EHBP1: variants seen among roughly 807,000 people sequenced by gnomAD.
EHBP1 encodes EH domain binding protein 1.
A neutral mutation model predicts 144.0 loss-of-function variants in EHBP1; 55 were observed. The observed-to-expected ratio is 0.38, with a 90% CI of 0.31 to 0.48. The LOEUF is 0.48. Ranked by LOEUF, EHBP1 falls within the 20% of genes least tolerant of loss-of-function variation. The probability of loss-of-function intolerance (pLI) is 0.98; values close to 1 mark genes in which losing one functional copy is unlikely to be tolerated. For missense variants in EHBP1, 1,200 were observed against 1,364.2 expected (o/e 0.88, Z 1.90); for synonymous variants, 469 against 472.7 (o/e 0.99, Z 0.10).
At chr2:62,955,310 T>C (rs1275845437) in intron 13 of EHBP1, among the ~76,000 whole-genome samples, 1 of 152,180 alleles carries the variant, frequency 6.6e-6, no homozygotes, top group Non-Finnish European at 1.5e-5. Context: ...TTTTAGACAG[T>C]AAAGATGTAT....
intron 10 of EHBP1, among the ~76,000 whole-genome samples, chr2:62,926,680 C>G (rs1052725668): frequency 1.3e-5 from 2 of 151,574 alleles, no homozygotes; most frequent in African/African-American, 2.4e-5. Context: ...AAAACAACAA[C>G]AACAAAAAAA....
chr2:62,839,578 TA>T, intron 7 of EHBP1, among the ~76,000 whole-genome samples: 1 of 150,160 alleles, frequency 6.7e-6, no homozygotes, highest in Admixed American at 6.7e-5. Context: ...GACATGATTG[TA>T]TATCTAGAAA....
intron 19 of EHBP1, among the ~76,000 whole-genome samples, chr2:63,017,534 A>G (rs2060534598): frequency 6.6e-6 from 1 of 152,228 alleles, no homozygotes; most frequent in Non-Finnish European, 1.5e-5. Context: ...CACTTGGAGT[A>G]TAACATTTGC....
intron 10 of EHBP1, among the ~76,000 whole-genome samples, chr2:62,894,978 G>T (rs969755706): frequency 2.0e-5 from 3 of 150,258 alleles, no homozygotes; most frequent in African/African-American, 7.4e-5. Flanking sequence ...AAGCAGGCAG[G>T]CAGGCAGGGC....
At chr2:62,962,003 G>A (rs2058026198) in intron 14 of EHBP1, among the ~76,000 whole-genome samples, 1 of 152,120 alleles carries the variant, frequency 6.6e-6, no homozygotes, top group Non-Finnish European at 1.5e-5. Context: ...ACTCCAGCCT[G>A]GGCAACAGAG....
At chr2:62,865,848 T>TA (rs1482406855) in intron 9 of EHBP1, among the ~76,000 whole-genome samples, 6 of 152,106 alleles carry the variant, frequency 3.9e-5, no homozygotes, top group Non-Finnish European at 7.4e-5. Flanking sequence ...ATTAAGGAGA[T>TA]AGAGTTTGGA....
intron 10 of EHBP1, among the ~76,000 whole-genome samples, chr2:62,927,637 A>G (rs1037917471): frequency 1.3e-5 from 2 of 152,194 alleles, no homozygotes; most frequent in Non-Finnish European, 1.5e-5. Context: ...CCAGAATCGG[A>G]AGTAGACATA....
intron 2 of EHBP1, among the ~76,000 whole-genome samples, chr2:62,713,598 C>G (rs1169608733): frequency 6.6e-6 from 1 of 152,128 alleles, no homozygotes; most frequent in East Asian, 1.9e-4. Flanking sequence ...GGTTAGATGA[C>G]TGCAAAAGGA....
intron 5 of EHBP1, among the ~76,000 whole-genome samples, chr2:62,781,111 A>G (rs2042394530): frequency 6.6e-6 from 1 of 152,098 alleles, no homozygotes; most frequent in Admixed American, 6.6e-5. Context: ...CCAGTATCCT[A>G]CAGTCTGGAG....
chr2:62,852,099 ACTT>A (rs918699839), intron 7 of EHBP1, among the ~76,000 whole-genome samples: 4 of 152,148 alleles, frequency 2.6e-5, no homozygotes, highest in Admixed American at 6.5e-5. Context: ...TAACTCTAAT[ACTT>A]CTTCTATATT....
intron 7 of EHBP1, among the ~76,000 whole-genome samples, chr2:62,843,460 G>A (rs1458576904): frequency 1.3e-5 from 2 of 152,142 alleles, no homozygotes; most frequent in African/African-American, 4.8e-5. Flanking sequence ...AAGAAGGGGT[G>A]GGTGGGGCAG....
chr2:62,844,310 A>C (rs2048138052), intron 7 of EHBP1, among the ~76,000 whole-genome samples: 7 of 152,204 alleles, frequency 4.6e-5, no homozygotes, highest in Admixed American at 4.6e-4. Flanking sequence ...CCCCTGCTAA[A>C]TAGATACATA....
At chr2:62,796,609 T>G (rs1157068038) in intron 5 of EHBP1, among the ~76,000 whole-genome samples, 1 of 152,174 alleles carries the variant, frequency 6.6e-6, no homozygotes, top group Non-Finnish European at 1.5e-5. Flanking sequence ...AATGTAAAAT[T>G]TTAATCATGA....
chr2:62,787,024 A>G (rs1342079933), intron 5 of EHBP1, among the ~76,000 whole-genome samples: 1 of 152,202 alleles, frequency 6.6e-6, no homozygotes, highest in Non-Finnish European at 1.5e-5. Context: ...CATAAACCAA[A>G]TATTACTGGC....
chr2:62,780,071 C>G (rs891112281), intron 5 of EHBP1, among the ~76,000 whole-genome samples: 1 of 152,002 alleles, frequency 6.6e-6, no homozygotes, highest in Non-Finnish European at 1.5e-5. Flanking sequence ...AAAAGGTGAC[C>G]TACCAGCAAA....
chr2:62,857,988 T>A (rs914628737), intron 7 of EHBP1, among the ~76,000 whole-genome samples: 1 of 152,188 alleles, frequency 6.6e-6, no homozygotes. Context: ...TCTTAAAACT[T>A]TTTGTTTAAA....
rs58035563 is a variant in EHBP1 at position 62,753,661 on chromosome 2, T to C, written c.162+6209T>C. ...CACCAATCAGACGTAGATTTGGTCTTTTCACATAGTCCCGTATTTGTTGGA... is the reference window on the plus strand; with the variant it reads ...CACCAATCAGACGTAGATTTGGTCTCTTCACATAGTCCCGTATTTGTTGGA... On this transcript the variant is annotated intron_variant, in intron 3 of 22. Coordinates refer to ENST00000431489, the MANE Select transcript of EHBP1 (RefSeq NM_001142616.3). 9.6e-4 allele frequency among the ~76,000 whole-genome samples: 146 copies of C among 152,318 alleles called. 1 individual carries two copies. Among genetic ancestry groups the C allele is most frequent in the African/African-American group, 3.1e-3 (128 of 41,568 alleles).
At chr2:62,799,983 G>C (rs1209473973) in intron 5 of EHBP1, among the ~76,000 whole-genome samples, 2 of 152,148 alleles carry the variant, frequency 1.3e-5, no homozygotes, top group Non-Finnish European at 2.9e-5. Flanking sequence ...AAAAGTACTC[G>C]TGGTAGAAAG....
At chr2:62,841,350 G>C (rs2047838766) in intron 7 of EHBP1, among the ~76,000 whole-genome samples, 1 of 119,598 alleles carries the variant, frequency 8.4e-6, no homozygotes, top group Non-Finnish European at 1.7e-5. Flanking sequence ...TGGGGTGGGG[G>C]GAGGGGGGAG....
Sources: allele counts gnomAD v4.1 joint callset (sites outside exome capture counted in the v4.1 genomes callset), GRCh38; gene constraint gnomAD v4.1.1; transcripts MANE v1.5; gene names NCBI Gene and HGNC (gene_info 2026-07-23, HGNC 2026-07-21).